Variants in SLCO3A1 observed in about 807,000 individuals in gnomAD.
SLCO3A1 encodes the protein PGE1 transporter.
In SLCO3A1, 27 loss-of-function variants were observed where a neutral mutation model predicts 63.1. The ratio of observed to expected loss-of-function variants is 0.43; its 90% CI spans 0.32 to 0.59. The LOEUF (loss-of-function observed/expected upper bound fraction) is 0.59, where lower values mean the gene tolerates loss of function less well. Among genes scored for constraint, SLCO3A1 ranks in the 20% least tolerant of loss-of-function variants. SLCO3A1 has a pLI of 0.09. For missense variants in SLCO3A1, 773 were observed against 945.8 expected (o/e 0.82, Z 2.40); for synonymous variants, 473 against 409.9 (o/e 1.15, Z -1.86).
At chr15:92,142,920 C>T (rs1596139817) in intron 7 of SLCO3A1, among the ~76,000 whole-genome samples, 2 of 151,986 alleles carry the variant, frequency 1.3e-5, no homozygotes, top group African/African-American at 4.8e-5. Context: ...AAAATAAGAC[C>T]AAGACACAGG....
intron 4 of SLCO3A1, among the ~76,000 whole-genome samples, chr15:92,112,009 C>T (rs1197847597): frequency 6.6e-6 from 1 of 152,196 alleles, no homozygotes; most frequent in African/African-American, 2.4e-5. Flanking sequence ...TTGGCTAATG[C>T]TTCCAGAATA....
At chr15:92,010,941 G>A (rs1445681983) in intron 2 of SLCO3A1, among the ~76,000 whole-genome samples, 2 of 152,198 alleles carry the variant, frequency 1.3e-5, no homozygotes, top group Non-Finnish European at 1.5e-5. Flanking sequence ...TGTCTTACAT[G>A]GATCTTCACA....
chr15:91,864,495 T>TA (rs1270512292), intron 1 of SLCO3A1, among the ~76,000 whole-genome samples: 1 of 150,552 alleles, frequency 6.6e-6, no homozygotes. Context: ...TTCCTCTTTT[T>TA]TTTTTTTTTT....
intron 2 of SLCO3A1, among the ~76,000 whole-genome samples, chr15:91,973,124 G>A (rs1900945916): frequency 6.6e-6 from 1 of 152,214 alleles, no homozygotes; most frequent in Non-Finnish European, 1.5e-5. Context: ...AAAAAGAAAA[G>A]AAAAGGGCAA....
chr15:92,150,287 G>A (rs1452166387), intron 8 of SLCO3A1, among the ~76,000 whole-genome samples: 1 of 152,194 alleles, frequency 6.6e-6, no homozygotes, highest in African/African-American at 2.4e-5. Context: ...TGCCCACCCA[G>A]ATTGAGGCTG....
intron 7 of SLCO3A1, among the ~76,000 whole-genome samples, chr15:92,131,154 G>C (rs537132418): frequency 6.6e-6 from 1 of 152,128 alleles, no homozygotes; most frequent in African/African-American, 2.4e-5. Context: ...GGAAGTGGGG[G>C]ATCTGGCTTT....
At chr15:91,986,479 TA>T (rs1323427791) in intron 2 of SLCO3A1, among the ~76,000 whole-genome samples, 1 of 150,556 alleles carries the variant, frequency 6.6e-6, no homozygotes, top group East Asian at 2.0e-4. Flanking sequence ...CATTTTTTTT[TA>T]AAGTATGCAG....
At chr15:92,143,579 T>G (rs1156831225) in intron 7 of SLCO3A1, among the ~76,000 whole-genome samples, 1 of 131,324 alleles carries the variant, frequency 7.6e-6, no homozygotes, top group South Asian at 2.4e-4. Flanking sequence ...TCTGTCTTCA[T>G]TAGCTTTAGT....
At chr15:92,050,226 T>C (rs1001836353) in intron 2 of SLCO3A1, among the ~76,000 whole-genome samples, 2 of 152,230 alleles carry the variant, frequency 1.3e-5, no homozygotes, top group Non-Finnish European at 2.9e-5. Flanking sequence ...GCCTTTTCAG[T>C]GCCTTCAGCA....
chr15:92,171,913 A>G, exon 11 of SLCO3A1: 1 of 1,391,006 alleles, frequency 7.2e-7, no homozygotes, highest in Non-Finnish European at 1.0e-6. Flanking sequence ...CACCACCCAC[A>G]GACCTCGCGG....
intron 2 of SLCO3A1, among the ~76,000 whole-genome samples, chr15:92,054,654 C>T (rs1409448093): frequency 6.6e-6 from 1 of 151,804 alleles, no homozygotes; most frequent in Non-Finnish European, 1.5e-5. Context: ...TCCCTGTGTC[C>T]ATGTGTTCTC....
chr15:91,914,974 A>G (rs543802795), intron 1 of SLCO3A1, among the ~76,000 whole-genome samples: 16 of 152,252 alleles, frequency 1.1e-4, no homozygotes, highest in African/African-American at 3.9e-4. Context: ...GACATCATTC[A>G]GCTGTCAGAT....
chr15:91,961,770 A>G (rs1178559065), intron 2 of SLCO3A1, among the ~76,000 whole-genome samples: 1 of 152,254 alleles, frequency 6.6e-6, no homozygotes, highest in Non-Finnish European at 1.5e-5. Flanking sequence ...CTAGCATAAA[A>G]TACATTTATT....
chr15:91,889,118 T>C (rs536251709), intron 1 of SLCO3A1: 790 of 1,257,028 alleles, frequency 6.3e-4, no homozygotes, highest in South Asian at 8.0e-4. Context: ...ATATTCCAGC[T>C]AAGTGGACGT....
Position 92,033,718 on chromosome 15 carries a change from G to A in SLCO3A1, c.647-61163G>A, listed in dbSNP as rs1394497867. On this transcript the variant is annotated intron_variant, in intron 2 of 9. Transcript: ENST00000318445. The surrounding 1 kb of genome is among the most constrained non-coding windows in gnomAD (Gnocchi z 4.5). ...AAGAAGAGTAGGTGGTGGCTCGCTG[G>A]TGGCAAAAAAGACGGGGATAGGAGT... 6.6e-6 allele frequency among the ~76,000 whole-genome samples: 1 copy of A among 152,160 alleles called. No homozygotes were observed. The highest frequency in any genetic ancestry group is 1.9e-4 in the East Asian group (1 of 5,200).
intron 2 of SLCO3A1, among the ~76,000 whole-genome samples, chr15:92,050,859 C>T (rs1358388789): frequency 6.6e-6 from 1 of 152,180 alleles, no homozygotes; most frequent in Non-Finnish European, 1.5e-5. Flanking sequence ...ATGTAGCCTC[C>T]TGGCCCCTCT....
At chr15:91,898,207 G>A (rs113927364) in intron 1 of SLCO3A1, among the ~76,000 whole-genome samples, 16 of 152,242 alleles carry the variant, frequency 1.1e-4, no homozygotes, top group African/African-American at 3.6e-4. Context: ...TAAGCTTGTC[G>A]ATCCCCAGTT....
chr15:92,014,545 C>A (rs1417074354), intron 2 of SLCO3A1, among the ~76,000 whole-genome samples: 1 of 152,132 alleles, frequency 6.6e-6, no homozygotes, highest in East Asian at 1.9e-4. Flanking sequence ...AAAAAGGGGC[C>A]TAATGGCTAA....
chr15:92,028,221 G>A (rs1265381287), intron 2 of SLCO3A1, among the ~76,000 whole-genome samples: 2 of 152,082 alleles, frequency 1.3e-5, no homozygotes, highest in East Asian at 1.9e-4. Context: ...ATGGCTGGGG[G>A]CCTCCTGGGA....
Sources: gnomAD v4.1 joint callset for allele counts (sites outside exome capture counted in the v4.1 genomes callset) on GRCh38, gnomAD v4.1.1 for gene constraint, Gnocchi (gnomAD v3.1) non-coding constraint, MANE v1.5 for transcripts, NCBI Gene and HGNC (gene_info 2026-07-23, HGNC 2026-07-21) for gene names.